Variants in DCC observed in about 807,000 individuals in gnomAD.
The protein encoded by DCC is netrin receptor DCC.
DCC carries 58 observed loss-of-function variants against 172.5 expected under a neutral mutation model. The observed-to-expected ratio is 0.34, with a 90% CI of 0.27 to 0.42. The LOEUF is 0.42. Among genes scored for constraint, DCC ranks in the 10% least tolerant of loss-of-function variants. The pLI is 1.00. For synonymous variants in DCC, 709 were observed against 644.5 expected (o/e 1.10, Z -1.52); for missense variants, 1,740 against 1,791.0 (o/e 0.97, Z 0.51).
chr18:52,460,928 C>T (rs866342891), intron 1 of DCC, among the ~76,000 whole-genome samples: 69 of 152,104 alleles, frequency 4.5e-4, no homozygotes, highest in African/African-American at 1.5e-3. Flanking sequence ...TTATAAACAC[C>T]GTATACTGAA....
chr18:52,799,136 C>G (rs143010872), intron 2 of DCC, among the ~76,000 whole-genome samples: 17 of 152,332 alleles, frequency 1.1e-4, no homozygotes, highest in Non-Finnish European at 1.9e-4. Flanking sequence ...TACATATAGA[C>G]ATATTTCTAA....
chr18:53,392,077 G>T (rs528262520), intron 17 of DCC, among the ~76,000 whole-genome samples, 190 bp downstream of exon 17: 2 of 152,238 alleles, frequency 1.3e-5, no homozygotes, highest in African/African-American at 4.8e-5. Context: ...CAATTCTAAG[G>T]CAAGGTAGGA....
At chr18:52,706,464 G>C (rs1040544202) in intron 1 of DCC, among the ~76,000 whole-genome samples, 8 of 152,156 alleles carry the variant, frequency 5.3e-5, no homozygotes, top group African/African-American at 1.9e-4. Flanking sequence ...TTGCTTTGTA[G>C]CTATTTGTGA....
intron 7 of DCC, among the ~76,000 whole-genome samples, chr18:53,085,388 C>T (rs969130858): frequency 2.0e-5 from 3 of 151,958 alleles, no homozygotes; most frequent in African/African-American, 7.3e-5. Context: ...TTACCAGTTC[C>T]TTAGCACAGA....
intron 1 of DCC, among the ~76,000 whole-genome samples, chr18:52,635,403 C>A (rs2034755488): frequency 6.6e-6 from 1 of 152,066 alleles, no homozygotes; most frequent in East Asian, 1.9e-4. Flanking sequence ...GAAATATAAA[C>A]CCAAAGGCAT....
Position 53,394,686 on chromosome 18 carries a change from G to T in DCC, c.2689-2622G>T, listed in dbSNP as rs564252077. On this transcript the variant is annotated intron_variant, in intron 17 of 28. Transcript: ENST00000442544. ...TCAATGGGAGGAGCATATAACACAT[G>T]CTTAAAATTACATACAACAAGAGAC... 5.3e-5 allele frequency among the ~76,000 whole-genome samples: 8 copies of T among 152,176 alleles called. No homozygotes were observed. In the East Asian group the frequency reaches 1.5e-3, roughly 29 times the overall value.
At chr18:53,086,815 T>C (rs1374165927) in intron 7 of DCC, among the ~76,000 whole-genome samples, 2 of 128,284 alleles carry the variant, frequency 1.6e-5, no homozygotes, top group Admixed American at 9.4e-5. Context: ...TGTGTTCTTA[T>C]TGTTCAGTTC....
At chr18:53,512,669 A>G (rs1311688268) in intron 27 of DCC, among the ~76,000 whole-genome samples, 1 of 152,070 alleles carries the variant, frequency 6.6e-6, no homozygotes, top group Non-Finnish European at 1.5e-5. Context: ...AGAATGCAGA[A>G]GCCTCAGGAG....
Position 53,289,798 on chromosome 18 carries a change from C to T in DCC, c.1912-15780C>T, listed in dbSNP as rs2144746574. Among the ~76,000 whole-genome samples the T allele has an allele frequency of 3.9e-5, 6 of 152,128 alleles. 1 individual carries two copies. The South Asian group carries it at 1.0e-3, about 26-fold the overall frequency. On this transcript the variant is annotated intron_variant, in intron 12 of 28. Coordinates refer to ENST00000442544, the MANE Select transcript of DCC (RefSeq NM_005215.4). Reference sequence around the variant, plus strand: ...GATGTAACATCTCTTCTGTCAGCTGCCAAAAGTCACCTATTAAGCCAAGTA... The same window carrying T: ...GATGTAACATCTCTTCTGTCAGCTGTCAAAAGTCACCTATTAAGCCAAGTA...
intron 5 of DCC, among the ~76,000 whole-genome samples, chr18:52,958,450 TA>T (rs1188619052): frequency 6.6e-6 from 1 of 152,212 alleles, no homozygotes; most frequent in Non-Finnish European, 1.5e-5. Context: ...TAAAGCAGAA[TA>T]AAAAATAGCT....
At chr18:52,784,409 C>G (rs1487363171) in intron 2 of DCC, among the ~76,000 whole-genome samples, 1 of 152,038 alleles carries the variant, frequency 6.6e-6, no homozygotes, top group Admixed American at 6.6e-5. Flanking sequence ...TACCGATTCC[C>G]TCTCCATTGG....
chr18:52,927,136 C>CGTGTATATAT lies in DCC; in HGVS notation c.985+1777_985+1786dup, dbSNP rs1439719887. 3.5e-4 allele frequency among the ~76,000 whole-genome samples: 7 copies of CGTGTATATAT among 19,842 alleles called. 1 individual carries two copies. The highest frequency in any genetic ancestry group is 3.2e-3 in the Admixed American group (7 of 2,182). 13.0% of individuals were successfully genotyped at this position (19,842 alleles called of 152,430 possible). A position where few individuals can be genotyped will look rare whatever the true frequency, so the allele number is the denominator to read the frequency against. On this transcript the variant is annotated intron_variant, in intron 5 of 28. Transcript: ENST00000442544. ...ATATACGTGTATATACACGTATATA[C>CGTGTATATAT]GTGTATATATGTGTATATATACGTA...
intron 7 of DCC, among the ~76,000 whole-genome samples, chr18:53,088,229 G>C (rs547460220): frequency 2.6e-4 from 39 of 152,208 alleles, no homozygotes; most frequent in South Asian, 1.2e-3. Flanking sequence ...TTCCTCCTAC[G>C]CATGAGCATG....
intron 2 of DCC, among the ~76,000 whole-genome samples, chr18:52,819,724 CTT>C (rs5824965): frequency 1.3e-5 from 2 of 148,336 alleles, no homozygotes. Context: ...AACTTGTGAA[CTT>C]TTTTTTTTTT....
chr18:52,823,907 A>G (rs2038457057), intron 2 of DCC, among the ~76,000 whole-genome samples: 1 of 152,230 alleles, frequency 6.6e-6, no homozygotes. Context: ...ATCTAGGACT[A>G]GAGAAGGTGT....
At chr18:52,433,356 G>C (rs961266301) in intron 1 of DCC, among the ~76,000 whole-genome samples, 1 of 152,078 alleles carries the variant, frequency 6.6e-6, no homozygotes, top group African/African-American at 2.4e-5. Context: ...TATCATTTGG[G>C]TGAGAAAGAC....
At chr18:52,813,975 C>T (rs917188938) in intron 2 of DCC, among the ~76,000 whole-genome samples, 2 of 152,206 alleles carry the variant, frequency 1.3e-5, no homozygotes, top group African/African-American at 4.8e-5. Context: ...ATAGGCTCTC[C>T]TGGGTCTCCA....
At chr18:52,590,144 G>A (rs910660042) in intron 1 of DCC, among the ~76,000 whole-genome samples, 4 of 140,438 alleles carry the variant, frequency 2.8e-5, no homozygotes, top group Admixed American at 7.6e-5. Flanking sequence ...CCACTGGTGT[G>A]CCTTGGTATA....
At chr18:53,362,075 G>C (rs1024451506) in intron 15 of DCC, among the ~76,000 whole-genome samples, 2 of 152,086 alleles carry the variant, frequency 1.3e-5, no homozygotes, top group Non-Finnish European at 2.9e-5. Flanking sequence ...GTTACTTCAT[G>C]ATGGTAATGA....
Sources: allele counts gnomAD v4.1 joint callset (sites outside exome capture counted in the v4.1 genomes callset), GRCh38; gene constraint gnomAD v4.1.1; transcripts MANE v1.5; gene names NCBI Gene and HGNC (gene_info 2026-07-23, HGNC 2026-07-21).